The following ZNF787 variants were observed in gnomAD, a reference collection of about 807,000 sequenced individuals.
The protein encoded by ZNF787 is TTF-I-interacting peptide 20.
In ZNF787, 7 loss-of-function variants were observed where a neutral mutation model predicts 16.9. That is an observed-to-expected ratio of 0.42 (90% CI 0.24 to 0.78). The LOEUF (loss-of-function observed/expected upper bound fraction) is 0.78. Among genes scored for constraint, ZNF787 ranks in the 30% least tolerant of loss-of-function variants. The pLI, the probability that ZNF787 is intolerant of heterozygous loss-of-function variation, is 0.30. For synonymous variants in ZNF787, 345 were observed against 270.9 expected, an observed-to-expected ratio of 1.27 and a Z score of -2.69; for missense variants, 551 against 589.3, an observed-to-expected ratio of 0.94 and a Z score of 0.67.
chr19:56,119,981 G>A (rs578075), intron 1 of ZNF787, among the ~76,000 whole-genome samples: 144,376 of 152,120 alleles, frequency 0.95, 69,167 homozygotes, highest in African/African-American at 0.99. Flanking sequence ...ACACCGCAAA[G>A]AGCAGACCAA....
intron 1 of ZNF787, among the ~76,000 whole-genome samples, chr19:56,120,160 G>C (rs1599965339): frequency 6.6e-6 from 1 of 152,172 alleles, no homozygotes; most frequent in Admixed American, 6.5e-5. Context: ...CCAAGCCCTT[G>C]TTCATCTCCC....
chr19:56,105,787 T>C (rs879419471), intron 1 of ZNF787, among the ~76,000 whole-genome samples: 2 of 152,182 alleles, frequency 1.3e-5, no homozygotes, highest in African/African-American at 2.4e-5. Context: ...TACGATGCAA[T>C]GATATTTAGT....
chr19:56,120,314 G>C (rs1052975635), intron 1 of ZNF787, among the ~76,000 whole-genome samples: 1 of 152,160 alleles, frequency 6.6e-6, no homozygotes, highest in African/African-American at 2.4e-5. Context: ...ATTGGGGTCA[G>C]CTCCCTGGAC....
In ZNF787 at chr19:56,087,552, G is replaced by C. The variant is rs1383865627; in HGVS notation, c.*471C>G. 1.3e-5 allele frequency: 2 copies of C among 152,718 alleles called. No homozygotes were observed. Among genetic ancestry groups the C allele is most frequent in the African/African-American group, 2.4e-5 (1 of 41,466 alleles). The allele number at this position is 152,718 out of a possible 1,614,324, so 9.5% of individuals were successfully genotyped here. A position where few individuals can be genotyped will look rare whatever the true frequency, so the allele number is the denominator to read the frequency against. On this transcript the variant is annotated 3_prime_UTR_variant, in exon 3 of 3. Coordinates refer to ENST00000610935, the MANE Select transcript of ZNF787 (RefSeq NM_001002836.4). Reference sequence around the variant, plus strand: ...AAAAAATAATGGATTGGGGCGGGCGGGGAGTCAAAAGGTGGGCTGATTAAA... The same window carrying C: ...AAAAAATAATGGATTGGGGCGGGCGCGGAGTCAAAAGGTGGGCTGATTAAA...
chr19:56,096,348 G>C (rs1985873434), intron 2 of ZNF787, among the ~76,000 whole-genome samples: 1 of 152,094 alleles, frequency 6.6e-6, no homozygotes, highest in Non-Finnish European at 1.5e-5. Flanking sequence ...GAGCCCAGGG[G>C]GTCAAGGCTG....
At position 56,120,280 on chromosome 19, in the gene ZNF787, G is replaced by A. The variant is rs980910887; in HGVS notation, c.-11+892C>T. ...GTCACTTTTCTGTGCGACTCTGCAG[G>A]TCCCAGAGCACTCATCCACATGAAT... On this transcript the variant is annotated intron_variant, in intron 1 of 2. Transcript: ENST00000610935. 2.6e-5 allele frequency among the ~76,000 whole-genome samples: 4 copies of A among 152,282 alleles called. 1 individual carries two copies. Among genetic ancestry groups the A allele is most frequent in the South Asian group, 4.1e-4 (2 of 4,832 alleles).
At chr19:56,099,251 G>C (rs577346718) in intron 2 of ZNF787, among the ~76,000 whole-genome samples, 13 of 152,294 alleles carry the variant, frequency 8.5e-5, no homozygotes, top group Admixed American at 2.0e-4. Flanking sequence ...GCCTTGCCTG[G>C]CCCCCAAGAC....
At chr19:56,098,215 G>T (rs28659892) in intron 2 of ZNF787, among the ~76,000 whole-genome samples, 9,870 of 152,260 alleles carry the variant, frequency 0.065, 978 homozygotes, top group African/African-American at 0.21. Flanking sequence ...CTGAACAGGG[G>T]ACATGGCCGG....
chr19:56,087,713 T>A lies in ZNF787; in HGVS notation c.*310A>T. Reference sequence around the variant, plus strand: ...CTGAGGAAGAGCAGGGAAAATGGCCTTCCGCTTGGGGCCTGGTCGCCACTC... The same window carrying A: ...CTGAGGAAGAGCAGGGAAAATGGCCATCCGCTTGGGGCCTGGTCGCCACTC... On this transcript the variant is annotated 3_prime_UTR_variant, in exon 3 of 3. Coordinates refer to ENST00000610935, the MANE Select transcript of ZNF787 (RefSeq NM_001002836.4). 1 of 204,320 alleles carries A rather than the reference T, an allele frequency of 4.9e-6. No homozygotes were observed. The highest frequency in any genetic ancestry group is 2.4e-5 in the African/African-American group (1 of 41,562). 12.7% of individuals were successfully genotyped at this position (204,320 alleles called of 1,614,324 possible). A position where few individuals can be genotyped will look rare whatever the true frequency, so the allele number is the denominator to read the frequency against.
chr19:56,096,777 A>G (rs867940707), intron 2 of ZNF787, among the ~76,000 whole-genome samples: 6 of 152,210 alleles, frequency 3.9e-5, no homozygotes, highest in Admixed American at 6.5e-5. Context: ...GTGCACTGAA[A>G]CATGGAGCCC....
intron 2 of ZNF787, among the ~76,000 whole-genome samples, chr19:56,101,231 G>A (rs1482176697): frequency 1.3e-5 from 2 of 152,220 alleles, no homozygotes. Flanking sequence ...GGGGACGCAT[G>A]TAGGCGGGAC....
At chr19:56,115,839 A>G (rs1480225290) in intron 1 of ZNF787, among the ~76,000 whole-genome samples, 1 of 152,200 alleles carries the variant, frequency 6.6e-6, no homozygotes, top group East Asian at 1.9e-4. Flanking sequence ...AGCCCGCAGG[A>G]CTTGGTGCCT....
intron 1 of ZNF787, 94 bp from the exon 2 acceptor site, chr19:56,103,321 G>C: frequency 9.1e-7 from 1 of 1,100,762 alleles, no homozygotes. Context: ...ACCCCGGCGT[G>C]ACAGGCACAG....
intron 1 of ZNF787, among the ~76,000 whole-genome samples, chr19:56,106,269 G>T (rs73934673): frequency 3.9e-5 from 6 of 152,188 alleles, no homozygotes; most frequent in Non-Finnish European, 5.9e-5. Flanking sequence ...CCAGCGTGTC[G>T]CTCCTCTCTC....
intron 2 of ZNF787, 44 bp from the exon 3 acceptor site, chr19:56,089,136 GGGCTC>G: frequency 7.2e-7 from 1 of 1,389,454 alleles, no homozygotes; most frequent in South Asian, 1.6e-5. Flanking sequence ...AGAGAGGCAA[GGGCTC>G]CACGCCTGCC....
chr19:56,092,426 C>T (rs1180337432), intron 2 of ZNF787, among the ~76,000 whole-genome samples: 1 of 152,162 alleles, frequency 6.6e-6, no homozygotes, highest in Non-Finnish European at 1.5e-5. Flanking sequence ...CCAGGCTCTA[C>T]CTCTACGCCT....
chr19:56,116,951 T>C (rs2030154345), intron 1 of ZNF787, among the ~76,000 whole-genome samples: 1 of 152,084 alleles, frequency 6.6e-6, no homozygotes, highest in African/African-American at 2.4e-5. Context: ...CCTAAGCACA[T>C]AAGCTCTGAT....
chr19:56,114,335 G>A lies in ZNF787; in HGVS notation c.-11+6837C>T, dbSNP rs540691290. Among the ~76,000 whole-genome samples, 4 of 151,562 alleles carry A rather than the reference G, an allele frequency of 2.6e-5. No individual in the cohort carries two copies. The South Asian group carries it at 6.3e-4, about 24-fold the overall frequency. Reference sequence around the variant, plus strand: ...GCCTGGTCTTTCTCTCTGAGGGGCCGGGCTCAGTCCTCCACTTGCCCCGGC... The same window carrying A: ...GCCTGGTCTTTCTCTCTGAGGGGCCAGGCTCAGTCCTCCACTTGCCCCGGC... On this transcript the variant is annotated intron_variant, in intron 1 of 2. Coordinates refer to ENST00000610935, the MANE Select transcript of ZNF787 (RefSeq NM_001002836.4).
At position 56,088,237 on chromosome 19, in the gene ZNF787, C is replaced by A. The variant is rs1985411142; in HGVS notation, c.935G>T (p.Gly312Val). The part of the protein sequence containing the change: ...QHGDGLGAAG[G>V]EEPAHICVEC... The stretch of plus-strand genomic sequence containing the variant: ...CACGCAGATGTGGGCCGGCTCCTCG[C>A]CCCCCGCCGCCCCGAGCCCGTCCCC... Residue 312 changes from glycine (G) to valine (V), a missense_variant, in exon 3 of 3, where the codon GGC becomes GTC. By Grantham distance (109) the Gly-to-Val change is moderately radical (BLOSUM62 -3). Coordinates refer to ENST00000610935, the MANE Select transcript of ZNF787 (RefSeq NM_001002836.4). The surrounding 1 kb of genome is among the most constrained non-coding windows in gnomAD (Gnocchi z 8.6). 7.4e-6 allele frequency: 11 copies of A among 1,479,562 alleles called. No individual in the cohort carries two copies. Among genetic ancestry groups the A allele is most frequent in the Non-Finnish European group, 8.9e-6 (10 of 1,119,796 alleles). 91.7% of individuals were successfully genotyped at this position (1,479,562 alleles called of 1,614,324 possible). A position where few individuals can be genotyped will look rare whatever the true frequency, so the allele number is the denominator to read the frequency against.
Sources: gnomAD v4.1 joint callset for allele counts (sites outside exome capture counted in the v4.1 genomes callset) on GRCh38, gnomAD v4.1.1 for gene constraint, Gnocchi (gnomAD v3.1) non-coding constraint, MANE v1.5 for transcripts, NCBI Gene and HGNC (gene_info 2026-07-23, HGNC 2026-07-21) for gene names.